PPP3CC: variants seen among roughly 807,000 people sequenced by gnomAD.
PPP3CC encodes serine/threonine-protein phosphatase 2B catalytic subunit gamma isoform.
A neutral mutation model predicts 60.3 loss-of-function variants in PPP3CC; 35 were observed. The observed-to-expected ratio is 0.58, with a 90% CI of 0.44 to 0.77. The LOEUF (loss-of-function observed/expected upper bound fraction) is 0.77, where lower values mean the gene tolerates loss of function less well. Among genes scored for constraint, PPP3CC ranks in the 30% least tolerant of loss-of-function variants. The probability of loss-of-function intolerance (pLI) is 0.00; values close to 1 mark genes in which losing one functional copy is unlikely to be tolerated. For synonymous variants in PPP3CC, 206 were observed against 224.3 expected, an observed-to-expected ratio of 0.92 and a Z score of 0.73; for missense variants, 570 against 628.9, an observed-to-expected ratio of 0.91 and a Z score of 1.00.
intron 4 of PPP3CC, among the ~76,000 whole-genome samples, chr8:22,503,739 A>C (rs2461491): frequency 6.6e-6 from 1 of 151,922 alleles, no homozygotes; most frequent in Non-Finnish European, 1.5e-5. Flanking sequence ...TGCTTTTCAC[A>C]TGATTTAACT....
At chr8:22,465,486 G>A (rs551476844) in intron 1 of PPP3CC, among the ~76,000 whole-genome samples, 3 of 152,200 alleles carry the variant, frequency 2.0e-5, no homozygotes, top group African/African-American at 4.8e-5. Flanking sequence ...CAGTAGTGTC[G>A]GGAGGTGGGG....
At chr8:22,469,521 A>T (rs1304379122) in intron 1 of PPP3CC, among the ~76,000 whole-genome samples, 4 of 152,144 alleles carry the variant, frequency 2.6e-5, no homozygotes, top group African/African-American at 7.2e-5. Context: ...TACATGTAAC[A>T]TAATTCCTCA....
At chr8:22,479,967 C>A (rs1388626709) in intron 3 of PPP3CC, among the ~76,000 whole-genome samples, 1 of 152,036 alleles carries the variant, frequency 6.6e-6, no homozygotes, top group Non-Finnish European at 1.5e-5. Context: ...TGCTTGATCT[C>A]CGTTAATAGT....
chr8:22,500,855 A>G (rs1421691058), intron 4 of PPP3CC, among the ~76,000 whole-genome samples: 4 of 152,182 alleles, frequency 2.6e-5, no homozygotes, highest in African/African-American at 4.8e-5. Context: ...CTGTTGGTGG[A>G]TGTTTAAATT....
chr8:22,484,490 T>C (rs748443498), intron 3 of PPP3CC, among the ~76,000 whole-genome samples: 5 of 152,192 alleles, frequency 3.3e-5, no homozygotes, highest in Non-Finnish European at 7.3e-5. Context: ...TCTGACAAAA[T>C]GGAATAAGGC....
At chr8:22,518,549 C>G (rs1839314971) in intron 6 of PPP3CC, among the ~76,000 whole-genome samples, 1 of 152,018 alleles carries the variant, frequency 6.6e-6, no homozygotes, top group Non-Finnish European at 1.5e-5. Context: ...TTCTATTCTT[C>G]TGTTATTTGG....
chr8:22,531,784 C>T (rs1839722778), intron 10 of PPP3CC, among the ~76,000 whole-genome samples: 1 of 152,244 alleles, frequency 6.6e-6, no homozygotes, highest in Non-Finnish European at 1.5e-5. Context: ...GTTGTGTTTA[C>T]ATACAGAAGA....
At chr8:22,525,264 T>G (rs1839508560) in intron 8 of PPP3CC, among the ~76,000 whole-genome samples, 1 of 152,222 alleles carries the variant, frequency 6.6e-6, no homozygotes, top group Non-Finnish European at 1.5e-5. Context: ...TGGTTGTTTC[T>G]TAGGCATTTT....
intron 3 of PPP3CC, among the ~76,000 whole-genome samples, chr8:22,483,433 T>C (rs891675561): frequency 2.0e-5 from 3 of 152,096 alleles, no homozygotes; most frequent in Admixed American, 2.0e-4. Flanking sequence ...ACTACAGGCA[T>C]GTGCCGCTAC....
chr8:22,504,194 C>T (rs930142595), intron 4 of PPP3CC, among the ~76,000 whole-genome samples: 1 of 151,798 alleles, frequency 6.6e-6, no homozygotes, highest in African/African-American at 2.4e-5. Flanking sequence ...TTTTGAGGTA[C>T]ATGTGATATT....
At chr8:22,533,448 AAAG>A (rs1329194690) in intron 12 of PPP3CC, among the ~76,000 whole-genome samples, 1 of 152,274 alleles carries the variant, frequency 6.6e-6, no homozygotes, top group Non-Finnish European at 1.5e-5. Context: ...CAGAATATAT[AAAG>A]AACTATAAAT....
chr8:22,455,616 C>T (rs1837173262), intron 1 of PPP3CC, among the ~76,000 whole-genome samples: 2 of 152,184 alleles, frequency 1.3e-5, no homozygotes, highest in South Asian at 2.1e-4. Context: ...CTACTTTGCA[C>T]TGCTTTATGG....
chr8:22,492,877 G>T lies in PPP3CC; in HGVS notation c.373-5124G>T, dbSNP rs543273891. 112 of 1,088,418 alleles carry T rather than the reference G, an allele frequency of 1.0e-4. 2 individuals are homozygous for T. The African/African-American group carries it at 1.6e-3, about 16-fold the overall frequency. 67.4% of individuals were successfully genotyped at this position (1,088,418 alleles called of 1,614,324 possible). A position where few individuals can be genotyped will look rare whatever the true frequency, so the allele number is the denominator to read the frequency against. On this transcript the variant is annotated intron_variant, in intron 3 of 13. Coordinates refer to ENST00000240139, the MANE Select transcript of PPP3CC (RefSeq NM_005605.5). ...CCAGCAAACTCTTTCACCATTACAG[G>T]CCATGCTGAGACAAAGCAGCTGATG... is the stretch of plus-strand genomic sequence containing the variant.
At chr8:22,490,845 G>A (rs1838382349) in intron 3 of PPP3CC, among the ~76,000 whole-genome samples, 1 of 152,044 alleles carries the variant, frequency 6.6e-6, no homozygotes, top group Admixed American at 6.6e-5. Flanking sequence ...TCTTAATCCA[G>A]TCTATCATTG....
chr8:22,502,884 GTTTTGT>G (rs1838803019), intron 4 of PPP3CC, among the ~76,000 whole-genome samples: 1 of 152,000 alleles, frequency 6.6e-6, no homozygotes, highest in Non-Finnish European at 1.5e-5. Flanking sequence ...TTTTGTTTTT[GTTTTGT>G]TTTTGTTTTT....
chr8:22,517,940 G>A (rs1198554836), intron 6 of PPP3CC, among the ~76,000 whole-genome samples: 1 of 151,754 alleles, frequency 6.6e-6, no homozygotes, highest in Non-Finnish European at 1.5e-5. Context: ...GTAAAATAAG[G>A]TTGTTTAATT....
At chr8:22,508,986 A>G (rs1017227945) in intron 4 of PPP3CC, among the ~76,000 whole-genome samples, 6 of 152,212 alleles carry the variant, frequency 3.9e-5, no homozygotes, top group Non-Finnish European at 7.3e-5. Flanking sequence ...GATTATGCTG[A>G]CTGCTACAAC....
chr8:22,516,265 A>G (rs115164738), intron 6 of PPP3CC, among the ~76,000 whole-genome samples: 2,477 of 152,266 alleles, frequency 0.016, 63 homozygotes, highest in African/African-American at 0.057. Context: ...CTCCATGCCA[A>G]CTTTTCCAGT....
chr8:22,532,257 A>T lies in PPP3CC; in HGVS notation c.1174A>T (p.Asn392Tyr), dbSNP rs761630899. 3.1e-6 allele frequency: 5 copies of T among 1,613,142 alleles called. No individual in the cohort carries two copies. The Admixed American group carries it at 6.7e-5, about 22-fold the overall frequency. ...STTVRKEIIR[N>Y]KIRAIGKMAR... ...TACAGTTCGTAAGGAGATCATCAGG[A>T]ATAAGATCAGAGCCATTGGGAAGAT... Residue 392 changes from asparagine to tyrosine, a missense_variant, in exon 11 of 14, where the codon AAT becomes TAT. Asn to Tyr is a moderately radical substitution (Grantham distance 143, BLOSUM62 -2). Coordinates refer to ENST00000240139, the MANE Select transcript of PPP3CC (RefSeq NM_005605.5).
Sources: gnomAD v4.1 joint callset for allele counts (sites outside exome capture counted in the v4.1 genomes callset) on GRCh38, gnomAD v4.1.1 for gene constraint, MANE v1.5 for transcripts, NCBI Gene and HGNC (gene_info 2026-07-23, HGNC 2026-07-21) for gene names.